FANCD2OS: variants seen among roughly 807,000 people sequenced by gnomAD.
FANCD2OS encodes the protein FANCD2 opposite strand protein.
In FANCD2OS, 11 loss-of-function variants were observed where a neutral mutation model predicts 13.2. The observed-to-expected ratio is 0.83, with a 90% CI of 0.52 to 1.38. The LOEUF (loss-of-function observed/expected upper bound fraction) is 1.38, where lower values mean the gene tolerates loss of function less well. Ranked by LOEUF, FANCD2OS falls within the 40% of genes most tolerant of loss-of-function variation. The pLI, the probability that FANCD2OS is intolerant of heterozygous loss-of-function variation, is 0.00. For synonymous variants in FANCD2OS, 69 were observed against 84.5 expected, an observed-to-expected ratio of 0.82 and a Z score of 1.01; for missense variants, 217 against 213.9, an observed-to-expected ratio of 1.01 and a Z score of -0.09.
chr3:10,083,767 A>C (rs1693992811), intron 2 of FANCD2OS: 1 of 151,266 alleles, frequency 6.6e-6, no homozygotes, highest in Non-Finnish European at 1.5e-5. Context: ...AGGCGCCTGT[A>C]GTCCCAGCTA....
intron 2 of FANCD2OS, among the ~76,000 whole-genome samples, chr3:10,083,150 CTG>C (rs1253644624): frequency 1.3e-5 from 2 of 151,914 alleles, no homozygotes; most frequent in African/African-American, 4.8e-5. Flanking sequence ...TGGCTTGAGC[CTG>C]TGAGGCAGAG....
Position 10,081,639 on chromosome 3 carries a change from C to T in FANCD2OS, c.*44-108G>A, listed in dbSNP as rs1181542976. 7.4e-6 allele frequency: 5 copies of T among 679,448 alleles called. No individual in the cohort carries two copies. The Admixed American group carries it at 1.1e-4, about 15-fold the overall frequency. 42.1% of individuals were successfully genotyped at this position (679,448 alleles called of 1,614,324 possible). ...ATTATTTCATTTGATCTTGTACCCT[C>T]TGAGTCCTTTGGAGCCACTATGTTA... On this transcript the variant is annotated intron_variant, in intron 2 of 2. Transcript: ENST00000524279.
intron 2 of FANCD2OS, among the ~76,000 whole-genome samples, chr3:10,090,650 G>A (rs772442959): frequency 1.3e-5 from 2 of 151,940 alleles, no homozygotes; most frequent in Non-Finnish European, 2.9e-5. Context: ...AGTAGAGACA[G>A]GGTTTCACCA....
At chr3:10,097,619 A>G (rs1181004852) in intron 2 of FANCD2OS, among the ~76,000 whole-genome samples, 1 of 152,120 alleles carries the variant, frequency 6.6e-6, no homozygotes, top group African/African-American at 2.4e-5. Context: ...GGGTGCCCAC[A>G]TTTCATATTG....
At chr3:10,088,627 T>C in intron 2 of FANCD2OS, 1 of 1,136,662 alleles carries the variant, frequency 8.8e-7, no homozygotes, top group Non-Finnish European at 1.3e-6. Flanking sequence ...ACAAATGACC[T>C]TTTTAGTGGG....
chr3:10,088,279 C>T (rs1477409589), intron 2 of FANCD2OS, among the ~76,000 whole-genome samples: 1 of 152,132 alleles, frequency 6.6e-6, no homozygotes, highest in Non-Finnish European at 1.5e-5. Context: ...GCAAAAGGGC[C>T]AGTGGATCAG....
chr3:10,081,632 G>GT, intron 2 of FANCD2OS: 3 of 702,744 alleles, frequency 4.3e-6, no homozygotes. Flanking sequence ...ATTTGATCTT[G>GT]TACCCTCTGA....
chr3:10,086,002 C>G (rs1363525173), intron 2 of FANCD2OS: 8 of 930,866 alleles, frequency 8.6e-6, no homozygotes, highest in Non-Finnish European at 1.4e-5. Flanking sequence ...TTAAAATAAC[C>G]TGGGTGTCTT....
intron 2 of FANCD2OS, among the ~76,000 whole-genome samples, chr3:10,087,419 C>T (rs974402700): frequency 6.6e-6 from 1 of 151,282 alleles, no homozygotes; most frequent in Admixed American, 6.6e-5. Flanking sequence ...GTCATTTTCC[C>T]AGAACAACCT....
chr3:10,086,316 C>T (rs7432976), intron 2 of FANCD2OS, among the ~76,000 whole-genome samples: 2 of 152,102 alleles, frequency 1.3e-5, no homozygotes, highest in African/African-American at 4.8e-5. Context: ...CCTTATGTGG[C>T]TGAGGGGTAG....
intron 1 of FANCD2OS, among the ~76,000 whole-genome samples, chr3:10,106,798 C>T (rs56409448): frequency 0.15 from 23,465 of 152,000 alleles, 2,537 homozygotes; most frequent in Non-Finnish European, 0.22. Context: ...CCTGTAATCC[C>T]GGGTACTCAG....
chr3:10,097,987 G>A (rs1271851876), downstream of FANCD2OS, among the ~76,000 whole-genome samples: 2 of 138,800 alleles, frequency 1.4e-5, no homozygotes, highest in Non-Finnish European at 3.0e-5. Context: ...GCATTTATAA[G>A]GTTTTTTTTA....
At chr3:10,107,682 T>C (rs1695540711) in intron 1 of FANCD2OS, among the ~76,000 whole-genome samples, 1 of 151,788 alleles carries the variant, frequency 6.6e-6, no homozygotes, top group Non-Finnish European at 1.5e-5. Context: ...GCGCGGTGGC[T>C]CAGGCCTGCA....
intron 2 of FANCD2OS, among the ~76,000 whole-genome samples, chr3:10,087,855 G>A (rs1014275321): frequency 2.4e-4 from 37 of 152,044 alleles, no homozygotes; most frequent in African/African-American, 8.4e-4. Context: ...CACCATGTTG[G>A]TCAGGCTGGT....
intron 2 of FANCD2OS, chr3:10,092,222 A>T: frequency 2.5e-6 from 4 of 1,613,986 alleles, no homozygotes; most frequent in Non-Finnish European, 3.4e-6. Context: ...TGGCTGTTCG[A>T]GACTTCAGTA....
At chr3:10,093,477 C>T (rs1694771997) in intron 2 of FANCD2OS, among the ~76,000 whole-genome samples, 1 of 152,208 alleles carries the variant, frequency 6.6e-6, no homozygotes, top group South Asian at 2.1e-4. Flanking sequence ...TGCATTTTCC[C>T]ACCCTAGTTG....
rs1300746952 is a variant in FANCD2OS at position 10,104,787 on chromosome 3, A to C, written c.-8-5T>G. On this transcript the variant is annotated splice_region_variant and splice_polypyrimidine_tract_variant and intron_variant, in intron 1 of 1. Transcript: ENST00000450660. ...GGTATCCTGCCATTGACAGTCCTAA[A>C]GGAGGGAAATCAGAGCATGGAATTT... 2 of 1,544,048 alleles carry C rather than the reference A, an allele frequency of 1.3e-6. No homozygotes were observed. Among genetic ancestry groups the C allele is most frequent in the Non-Finnish European group, 1.7e-6 (2 of 1,145,092 alleles).
chr3:10,091,097 T>G (rs1195570952), intron 2 of FANCD2OS, among the ~76,000 whole-genome samples: 1 of 151,348 alleles, frequency 6.6e-6, no homozygotes, highest in Non-Finnish European at 1.5e-5. Context: ...TTTTTTCTTT[T>G]TGAGACAGGG....
chr3:10,088,607 CAG>C (rs1694383595), intron 2 of FANCD2OS: 1 of 1,235,746 alleles, frequency 8.1e-7, no homozygotes, highest in Non-Finnish European at 1.2e-6. Context: ...TGTTGTTTGT[CAG>C]AGACTGGACA....
Sources: allele counts gnomAD v4.1 joint callset (sites outside exome capture counted in the v4.1 genomes callset), GRCh38; gene constraint gnomAD v4.1.1; transcripts MANE v1.5; gene names NCBI Gene and HGNC (gene_info 2026-07-23, HGNC 2026-07-21).